USF1: variants seen among roughly 807,000 people sequenced by gnomAD.
USF1 encodes the protein upstream transcription factor 1.
A neutral mutation model predicts 46.3 loss-of-function variants in USF1; 22 were observed. That is an observed-to-expected ratio of 0.47 (90% CI 0.34 to 0.68). The LOEUF (loss-of-function observed/expected upper bound fraction) is 0.68, where lower values mean the gene tolerates loss of function less well. Among genes scored for constraint, USF1 ranks in the 30% least tolerant of loss-of-function variants. The pLI, the probability that USF1 is intolerant of heterozygous loss-of-function variation, is 0.01. For synonymous variants in USF1, 150 were observed against 147.0 expected, an observed-to-expected ratio of 1.02 and a Z score of -0.15; for missense variants, 287 against 399.3, an observed-to-expected ratio of 0.72 and a Z score of 2.40.
In USF1 at chr1:161,042,115, C is replaced by T. The variant is rs1293939760; in HGVS notation, c.276+1G>A. On this transcript the variant is annotated splice_donor_variant, in intron 5 of 10. Transcript: ENST00000368021. LOFTEE classifies it high-confidence loss of function. Reference sequence around the variant, plus strand: ...TGACCTCCCCAGCCCATACCCTGTACCTGGGTCATGGATTGAGTGGCAGGG... The same window carrying T: ...TGACCTCCCCAGCCCATACCCTGTATCTGGGTCATGGATTGAGTGGCAGGG... The T allele has an allele frequency of 6.2e-7, 1 of 1,612,398 alleles. No homozygotes were observed. Among genetic ancestry groups the T allele is most frequent in the South Asian group, 1.1e-5 (1 of 90,884 alleles).
chr1:161,039,755 C>A lies in USF1; in HGVS notation c.*165G>T. 1 of 683,792 alleles carries A rather than the reference C, an allele frequency of 1.5e-6. No individual in the cohort carries two copies. The highest frequency in any genetic ancestry group is 2.5e-6 in the Non-Finnish European group (1 of 407,422). 42.4% of individuals were successfully genotyped at this position (683,792 alleles called of 1,614,324 possible). On this transcript the variant is annotated 3_prime_UTR_variant, in exon 11 of 11. Coordinates refer to ENST00000368021, the MANE Select transcript of USF1 (RefSeq NM_007122.5). ...CACGTCCACATTGTGTGTTTCACAC[C>A]ACTGCAGGCCGCCATATCACAGGGC...
At position 161,040,038 on chromosome 1, in the gene USF1, A is replaced by G. The variant is rs765386401; in HGVS notation, c.844-29T>C. ...ACATGGGAAGGAGGCAGTAAAGGGA[A>G]TGGGTAGTAAAGCTGGCACTTCCAA... is the stretch of plus-strand genomic sequence containing the variant. On this transcript the variant is annotated intron_variant, in intron 10 of 10. Transcript: ENST00000368021. This position sits in a 1 kb window ranked among gnomAD's most constrained non-coding sequence, Gnocchi z 4.0. The G allele has an allele frequency of 6.2e-7, 1 of 1,613,962 alleles. No homozygotes were observed. The highest frequency in any genetic ancestry group is 1.7e-5 in the Admixed American group (1 of 60,020).
chr1:161,042,108 C>T lies in USF1; in HGVS notation c.276+8G>A, dbSNP rs776317057. On this transcript the variant is annotated splice_region_variant and intron_variant, in intron 5 of 10. Transcript: ENST00000368021. ...ACTCTAGTGACCTCCCCAGCCCATACCCTGTACCTGGGTCATGGATTGAGT... is the reference window on the plus strand; with the variant it reads ...ACTCTAGTGACCTCCCCAGCCCATATCCTGTACCTGGGTCATGGATTGAGT... The T allele has an allele frequency of 6.8e-6, 11 of 1,610,864 alleles. No homozygotes were observed. Among genetic ancestry groups the T allele is most frequent in the Non-Finnish European group, 7.6e-6 (9 of 1,178,196 alleles).
intron 1 of USF1, among the ~76,000 whole-genome samples, chr1:161,044,376 A>T (rs1469831849): frequency 2.0e-5 from 3 of 152,226 alleles, no homozygotes. Flanking sequence ...TGCTTCTTCC[A>T]GTTTCTCAGC....
At chr1:161,042,452 T>C (rs551028981) in intron 4 of USF1, 103 bp downstream of exon 4, 19 of 1,335,584 alleles carry the variant, frequency 1.4e-5, no homozygotes, top group Non-Finnish European at 1.9e-5. Flanking sequence ...CAGTCCACTC[T>C]TTCAACTCAT....
chr1:161,041,844 C>T lies in USF1; in HGVS notation c.279G>A (p.Ala93=), dbSNP rs764450273. 8.1e-6 allele frequency: 13 copies of T among 1,607,592 alleles called. No homozygotes were observed. The highest frequency in any genetic ancestry group is 2.2e-5 in the South Asian group (2 of 90,952). ...GYPATQSMTQ[A]VIQGAFTSDD... ...CACTGGTGAAAGCACCCTGGATCAC[C>T]GCCTGGGAAGGGGAGCAAGAAAACT... The change falls in exon 6 of 11, where the codon GCG becomes GCA. Residue 93 remains alanine, a splice_region_variant and synonymous_variant. Coordinates refer to ENST00000368021, the MANE Select transcript of USF1 (RefSeq NM_007122.5).
chr1:161,043,349 G>T lies in USF1; in HGVS notation c.-74C>A. ...TTTGTATCTCCTGATTCACAGGCCT[G>T]AGTGCTAAGTCCTGGTAGAAATCAT... On this transcript the variant is annotated 5_prime_UTR_variant, in exon 2 of 11. Transcript: ENST00000368021. The T allele has an allele frequency of 6.2e-7, 1 of 1,610,248 alleles. No homozygotes were observed. Among genetic ancestry groups the T allele is most frequent in the Non-Finnish European group, 8.5e-7 (1 of 1,176,746 alleles).
rs1394376640 is a variant in USF1 at position 161,040,359 on chromosome 1, C to T, written c.715-29G>A. 6.2e-7 allele frequency: 1 copy of T among 1,611,032 alleles called. No individual in the cohort carries two copies. Among genetic ancestry groups the T allele is most frequent in the Admixed American group, 1.7e-5 (1 of 59,632 alleles). ...CAAGATAAGGTCAACAAAATGAGAA[C>T]TAGGATTTCAGATACCCAGCTTGCT... On this transcript the variant is annotated intron_variant, in intron 9 of 10. Transcript: ENST00000368021. The surrounding 1 kb of genome is among the most constrained non-coding windows in gnomAD (Gnocchi z 4.0).
intron 1 of USF1, among the ~76,000 whole-genome samples, chr1:161,045,465 A>AT (rs1650767404): frequency 6.6e-6 from 1 of 152,344 alleles, no homozygotes; most frequent in African/African-American, 2.4e-5. Context: ...CACCAACCAG[A>AT]AGGCGCTTAC....
chr1:161,045,639 G>T (rs866898214), intron 1 of USF1, among the ~76,000 whole-genome samples: 1 of 152,244 alleles, frequency 6.6e-6, no homozygotes, highest in African/African-American at 2.4e-5. Flanking sequence ...CGCGCAGCTG[G>T]ACAGCGCAGG....
chr1:161,041,293 C>T (rs371390382), intron 7 of USF1, 31 bp downstream of exon 7: 25 of 1,101,928 alleles, frequency 2.3e-5, no homozygotes, highest in South Asian at 9.7e-5. Context: ...AAACCACTTA[C>T]GGAATCTGAG....
In USF1 at chr1:161,039,326, C is replaced by T. The variant is rs1277320805; in HGVS notation, c.*594G>A. 6.1e-6 allele frequency: 1 copy of T among 165,048 alleles called. No homozygotes were observed. The highest frequency in any genetic ancestry group is 1.3e-5 in the Non-Finnish European group (1 of 78,024). The allele number at this position is 165,048 out of a possible 1,614,324, so 10.2% of individuals were successfully genotyped here. On this transcript the variant is annotated 3_prime_UTR_variant, in exon 11 of 11. Transcript: ENST00000368021. ...GAAAAGAAAAAAAAAAAACGACCCCCACAAGGGGGAAGGCCCCAAGTGGGC... is the reference window on the plus strand; with the variant it reads ...GAAAAGAAAAAAAAAAAACGACCCCTACAAGGGGGAAGGCCCCAAGTGGGC...
At chr1:161,041,016 C>T (rs1436199167) in intron 7 of USF1, 144 bp from the exon 8 acceptor site, 17 of 1,085,258 alleles carry the variant, frequency 1.6e-5, no homozygotes, top group East Asian at 2.6e-5. Context: ...AATCCCAGCA[C>T]TTTGGGAGGC....
Position 161,040,880 on chromosome 1 carries a change from C to G in USF1, c.561-8G>C, listed in dbSNP as rs775739402. The G allele has an allele frequency of 4.3e-6, 7 of 1,613,950 alleles. No individual in the cohort carries two copies. Among genetic ancestry groups the G allele is most frequent in the Non-Finnish European group, 5.9e-6 (7 of 1,180,026 alleles). ...CGGGGAGCTTCTGACTTCCTGACAA[C>G]AGAGCCCAGGGTGGCCAGAGTAAGA... On this transcript the variant is annotated splice_region_variant and splice_polypyrimidine_tract_variant and intron_variant, in intron 7 of 10. Coordinates refer to ENST00000368021, the MANE Select transcript of USF1 (RefSeq NM_007122.5). The surrounding 1 kb of genome is among the most constrained non-coding windows in gnomAD (Gnocchi z 4.0).
chr1:161,041,948 AG>A, intron 5 of USF1, 102 bp from the exon 6 acceptor site: 1 of 316,364 alleles, frequency 3.2e-6, no homozygotes, highest in Non-Finnish European at 4.8e-6. Flanking sequence ...GGTAGGGTGG[AG>A]AGAGAGAGAG....
intron 1 of USF1, chr1:161,045,027 G>A (rs1571053676): frequency 6.6e-6 from 1 of 152,226 alleles, no homozygotes; most frequent in East Asian, 1.9e-4. Context: ...GCTGCAAGGA[G>A]ATCCCAGTCG....
chr1:161,040,569 C>G lies in USF1; in HGVS notation c.714+7G>C. 6.2e-7 allele frequency: 1 copy of G among 1,611,596 alleles called. No individual in the cohort carries two copies. Among genetic ancestry groups the G allele is most frequent in the Non-Finnish European group, 8.5e-7 (1 of 1,179,278 alleles). ...CATCCTGCCCACTACCAGGGTCTTT[C>G]CATGACCTGGCCAGACTTGGTGCTC... On this transcript the variant is annotated splice_region_variant and intron_variant, in intron 9 of 10. Coordinates refer to ENST00000368021, the MANE Select transcript of USF1 (RefSeq NM_007122.5). This position sits in a 1 kb window ranked among gnomAD's most constrained non-coding sequence, Gnocchi z 4.0.
intron 2 of USF1, 45 bp downstream of exon 2, chr1:161,043,223 A>G: frequency 6.2e-7 from 1 of 1,614,100 alleles, no homozygotes. Flanking sequence ...GCATTCTTCC[A>G]GGCCACCCAT....
Position 161,042,742 on chromosome 1 carries a change from G to C in USF1, c.59-72C>G, listed in dbSNP as rs993598163. On this transcript the variant is annotated intron_variant, in intron 3 of 10. Transcript: ENST00000368021. ...TACCCCCGTTCCATTTGCATGTCAC[G>C]GAAGGAGGAGGATGCACAGGAGATG... The C allele has an allele frequency of 1.9e-5, 30 of 1,610,516 alleles. No homozygotes were observed. The South Asian group carries it at 2.9e-4, about 15-fold the overall frequency.
Sources: gnomAD v4.1 joint callset for allele counts (sites outside exome capture counted in the v4.1 genomes callset) on GRCh38, gnomAD v4.1.1 for gene constraint, Gnocchi (gnomAD v3.1) non-coding constraint, MANE v1.5 for transcripts, NCBI Gene and HGNC (gene_info 2026-07-23, HGNC 2026-07-21) for gene names.